TRAPPC10: variants seen among roughly 807,000 people sequenced by gnomAD.
TRAPPC10 encodes TRAPP 130 kDa subunit.
A neutral mutation model predicts 125.5 loss-of-function variants in TRAPPC10; 23 were observed. That is an observed-to-expected ratio of 0.18 (90% CI 0.13 to 0.26). The LOEUF is 0.26. Among genes scored for constraint, TRAPPC10 ranks in the 10% least tolerant of loss-of-function variants. TRAPPC10 has a pLI of 1.00. For synonymous variants in TRAPPC10, 509 were observed against 518.0 expected, an observed-to-expected ratio of 0.98 and a Z score of 0.24; for missense variants, 1,123 against 1,308.4, an observed-to-expected ratio of 0.86 and a Z score of 2.19.
chr21:44,091,762 T>C, intron 18 of TRAPPC10, 161 bp from the exon 19 acceptor site: 1 of 694,146 alleles, frequency 1.4e-6, no homozygotes, highest in Non-Finnish European at 2.3e-6. Flanking sequence ...TCTGGCACTT[T>C]TCGGTGTGAA....
At position 44,047,563 on chromosome 21, in the gene TRAPPC10, TGTGC is replaced by T. The variant is rs923380331; in HGVS notation, c.286-4715_286-4712del. On this transcript the variant is annotated intron_variant, in intron 3 of 22. Coordinates refer to ENST00000291574, the MANE Select transcript of TRAPPC10 (RefSeq NM_003274.5). The stretch of plus-strand genomic sequence containing the variant: ...GTGTGTGTGTGTGTGTGTGTGTGTG[TGTGC>T]GCGCACACGCTACATGAAGTTCCAT... Among the ~76,000 whole-genome samples, 26 of 147,980 alleles carry T rather than the reference TGTGC, an allele frequency of 1.8e-4. No homozygotes were observed. The East Asian group carries it at 3.1e-3, about 18-fold the overall frequency.
chr21:44,057,556 A>G (rs1331440696), intron 5 of TRAPPC10, among the ~76,000 whole-genome samples: 1 of 152,172 alleles, frequency 6.6e-6, no homozygotes, highest in Non-Finnish European at 1.5e-5. Context: ...AAGTGCTGGA[A>G]TTACAAGCCT....
intron 1 of TRAPPC10, among the ~76,000 whole-genome samples, chr21:44,024,218 A>C (rs1371509047): frequency 6.6e-6 from 1 of 152,182 alleles, no homozygotes; most frequent in Non-Finnish European, 1.5e-5. Context: ...CCACACTGAA[A>C]ATCCTAATTC....
intron 7 of TRAPPC10, among the ~76,000 whole-genome samples, chr21:44,072,464 GTGTT>G (rs141795138): frequency 2.9e-4 from 44 of 152,192 alleles, no homozygotes; most frequent in African/African-American, 5.1e-4. Context: ...CTCCTAGGAG[GTGTT>G]TGTTTGTTTG....
intron 3 of TRAPPC10, chr21:44,046,636 C>T (rs982402768): frequency 2.8e-5 from 6 of 216,266 alleles, no homozygotes; most frequent in East Asian, 1.3e-4. Context: ...TTCATCCTCC[C>T]GAGTAGCTGG....
At position 44,038,017 on chromosome 21, in the gene TRAPPC10, C is replaced by A; in HGVS notation, c.285+90C>A. On this transcript the variant is annotated intron_variant, in intron 3 of 22. Transcript: ENST00000291574. Reference sequence around the variant, plus strand: ...TGTGAGTACCAGTGGGGGAAGAGGACGCGTGGTGGGGTGGAGTTGGAGATG... The same window carrying A: ...TGTGAGTACCAGTGGGGGAAGAGGAAGCGTGGTGGGGTGGAGTTGGAGATG... 4.1e-6 allele frequency: 6 copies of A among 1,446,694 alleles called. 1 individual carries two copies. The South Asian group carries it at 6.9e-5, about 17-fold the overall frequency. 89.6% of individuals were successfully genotyped at this position (1,446,694 alleles called of 1,614,324 possible).
chr21:44,047,532 A>ATATGTGTGTGTGTGTGTGTGTGTG (rs1491372579), intron 3 of TRAPPC10, among the ~76,000 whole-genome samples: 23 of 142,922 alleles, frequency 1.6e-4, no homozygotes, highest in Admixed American at 6.2e-4. Flanking sequence ...CTGGGGGAGT[A>ATATGTGTGTGTGTGTGTGTGTGTG]TGTGTGTGTG....
In TRAPPC10 at chr21:44,021,944, G is replaced by A. The variant is rs754376039; in HGVS notation, c.67+9384G>A. Among the ~76,000 whole-genome samples, 4 of 151,706 alleles carry A rather than the reference G, an allele frequency of 2.6e-5. No individual in the cohort carries two copies. In the East Asian group the frequency reaches 7.7e-4, roughly 29 times the overall value. On this transcript the variant is annotated intron_variant, in intron 1 of 22. Coordinates refer to ENST00000291574, the MANE Select transcript of TRAPPC10 (RefSeq NM_003274.5). Reference sequence around the variant, plus strand: ...ACAGAGCTATGAGAAAATACATTGCGATTTTTTTTTTCTTTCTTAGGGTCT... The same window carrying A: ...ACAGAGCTATGAGAAAATACATTGCAATTTTTTTTTTCTTTCTTAGGGTCT...
At chr21:44,015,060 A>G (rs1287261448) in intron 1 of TRAPPC10, among the ~76,000 whole-genome samples, 1 of 152,188 alleles carries the variant, frequency 6.6e-6, no homozygotes, top group Non-Finnish European at 1.5e-5. Context: ...CCCAGAGGCT[A>G]ATTAACCCTT....
chr21:44,055,482 T>G (rs1160515600), intron 4 of TRAPPC10, among the ~76,000 whole-genome samples: 1 of 149,326 alleles, frequency 6.7e-6, no homozygotes, highest in Non-Finnish European at 1.5e-5. Flanking sequence ...TCCCAGCTAC[T>G]GGGGAGGATC....
chr21:44,018,524 C>A (rs1834840079), intron 1 of TRAPPC10, among the ~76,000 whole-genome samples: 1 of 152,040 alleles, frequency 6.6e-6, no homozygotes, highest in Non-Finnish European at 1.5e-5. Context: ...CATGGTGAAA[C>A]CCCGTCTCTA....
chr21:44,092,831 T>C lies in TRAPPC10; in HGVS notation c.2997+782T>C, dbSNP rs1471362013. Among the ~76,000 whole-genome samples, 3 of 152,210 alleles carry C rather than the reference T, an allele frequency of 2.0e-5. No homozygotes were observed. The East Asian group carries it at 5.8e-4, about 29-fold the overall frequency. Reference sequence around the variant, plus strand: ...CTTTTTTTGAGATGGAGTTTCGTTCTTGTCGCCCAGGCTGGAATGCAATCG... The same window carrying C: ...CTTTTTTTGAGATGGAGTTTCGTTCCTGTCGCCCAGGCTGGAATGCAATCG... On this transcript the variant is annotated intron_variant, in intron 19 of 22. Coordinates refer to ENST00000291574, the MANE Select transcript of TRAPPC10 (RefSeq NM_003274.5).
chr21:44,064,634 G>A (rs2036304906), intron 7 of TRAPPC10, among the ~76,000 whole-genome samples: 1 of 152,186 alleles, frequency 6.6e-6, no homozygotes, highest in Non-Finnish European at 1.5e-5. Flanking sequence ...AACGGAGTCT[G>A]GAAGTGATTA....
intron 15 of TRAPPC10, among the ~76,000 whole-genome samples, chr21:44,084,571 C>T (rs1375551361): frequency 1.3e-5 from 2 of 152,090 alleles, no homozygotes; most frequent in Admixed American, 6.6e-5. Flanking sequence ...GCTCACTCAA[C>T]CTAATGGTCA....
rs371392641 is a variant in TRAPPC10, at chr21:44,043,948, G to A, written c.285+6021G>A. On this transcript the variant is annotated intron_variant, in intron 3 of 22. Coordinates refer to ENST00000291574, the MANE Select transcript of TRAPPC10 (RefSeq NM_003274.5). The stretch of plus-strand genomic sequence containing the variant: ...AGCCTCAACACGCCACTGACACCAG[G>A]TGGAGCAGAGACCTTGGTTCCCACC... 4.1e-4 allele frequency among the ~76,000 whole-genome samples: 62 copies of A among 152,348 alleles called. 1 individual carries two copies. Among genetic ancestry groups the A allele is most frequent in the African/African-American group, 1.4e-3 (60 of 41,586 alleles).
intron 15 of TRAPPC10, among the ~76,000 whole-genome samples, chr21:44,086,284 C>T (rs1240747318): frequency 6.6e-6 from 1 of 152,234 alleles, no homozygotes; most frequent in Non-Finnish European, 1.5e-5. Flanking sequence ...TCTCAGAGGC[C>T]TCAGCTCACT....
intron 7 of TRAPPC10, among the ~76,000 whole-genome samples, chr21:44,067,533 A>G (rs925257043): frequency 6.6e-6 from 1 of 152,212 alleles, no homozygotes; most frequent in Non-Finnish European, 1.5e-5. Flanking sequence ...AAAAGGAAAG[A>G]GAGGACTGTC....
intron 1 of TRAPPC10, among the ~76,000 whole-genome samples, chr21:44,012,820 C>T (rs2031296473): frequency 6.6e-6 from 1 of 151,944 alleles, no homozygotes; most frequent in South Asian, 2.1e-4. Flanking sequence ...ACCCGGCGGA[C>T]TCTGCCCGGG....
At chr21:44,022,276 A>ATTTTTTT (rs58767563) in intron 1 of TRAPPC10, among the ~76,000 whole-genome samples, 3 of 83,772 alleles carry the variant, frequency 3.6e-5, no homozygotes, top group Non-Finnish European at 7.2e-5. Context: ...GCCTGGCTAA[A>ATTTTTTT]TTTTTTTTTT....
Sources: gnomAD v4.1 joint callset for allele counts (sites outside exome capture counted in the v4.1 genomes callset) on GRCh38, gnomAD v4.1.1 for gene constraint, MANE v1.5 for transcripts, NCBI Gene and HGNC (gene_info 2026-07-23, HGNC 2026-07-21) for gene names.